The following EPHA5 variants were observed in gnomAD, a reference collection of about 807,000 sequenced individuals.
The protein encoded by EPHA5 is EPH receptor A5, also known as ephrin type-A receptor 5.
EPHA5 carries 60 observed loss-of-function variants against 105.0 expected under a neutral mutation model. That is an observed-to-expected ratio of 0.57 (90% confidence interval 0.46 to 0.71). The LOEUF is 0.71. EPHA5 is among the 30% of genes least tolerant of loss of function. The pLI, the probability that EPHA5 is intolerant of heterozygous loss-of-function variation, is 0.00. For missense variants in EPHA5, 1,218 were observed against 1,274.7 expected, an observed-to-expected ratio of 0.96 and a Z score of 0.68; for synonymous variants, 513 against 449.1, an observed-to-expected ratio of 1.14 and a Z score of -1.80.
rs1209151625 is a variant in EPHA5 at position 65,322,865 on chromosome 4, A to AATT, written c.*1246_*1248dup. ...ATGTGTATATATATATATTTGTCAT[A>AATT]ATTCCATTGCTGCCTTAGAGTCAAA... On this transcript the variant is annotated 3_prime_UTR_variant, in exon 17 of 17. Coordinates refer to ENST00000613740, the MANE Select transcript of EPHA5 (RefSeq NM_001281766.3). 4.4e-6 allele frequency: 1 copy of AATT among 229,116 alleles called. No homozygotes were observed. Among genetic ancestry groups the AATT allele is most frequent in the East Asian group, 6.2e-5 (1 of 16,180 alleles). The allele number at this position is 229,116 out of a possible 1,614,324, so 14.2% of individuals were successfully genotyped here. A position where few individuals can be genotyped will look rare whatever the true frequency, so the allele number is the denominator to read the frequency against.
rs139058629 is a variant in EPHA5 at position 65,619,866 on chromosome 4, A to G, written c.247-17562T>C. 1.9e-3 allele frequency among the ~76,000 whole-genome samples: 288 copies of G among 151,636 alleles called. 3 individuals are homozygous for G. Among genetic ancestry groups the G allele is most frequent in the African/African-American group, 6.6e-3 (275 of 41,450 alleles). On this transcript the variant is annotated intron_variant, in intron 2 of 16. Coordinates refer to ENST00000613740, the MANE Select transcript of EPHA5 (RefSeq NM_001281766.3). ...ATCTACTGTTTTTCTCTTTTTCCTT[A>G]TATTTCTTTCTAAAACACTCATTCA...
chr4:65,606,878 G>T (rs1744278966), intron 2 of EPHA5, among the ~76,000 whole-genome samples: 1 of 152,026 alleles, frequency 6.6e-6, no homozygotes, highest in Non-Finnish European at 1.5e-5. Flanking sequence ...AGAATCAATT[G>T]CCTGCAGCTT....
chr4:65,559,741 C>T (rs1309928593), intron 3 of EPHA5, among the ~76,000 whole-genome samples: 1 of 152,030 alleles, frequency 6.6e-6, no homozygotes, highest in African/African-American at 2.4e-5. Flanking sequence ...ATAATAATGC[C>T]AGCAACTTCA....
Position 65,401,884 on chromosome 4 carries a change from A to C in EPHA5, c.1793+2490T>G, listed in dbSNP as rs1201469436. Among the ~76,000 whole-genome samples, 3 of 145,028 alleles carry C rather than the reference A, an allele frequency of 2.1e-5. No homozygotes were observed. In the South Asian group the frequency reaches 6.5e-4, roughly 31 times the overall value. ...GAACAGCAATTTCAGGTATATATAG[A>C]ATTTGTGTATGTGTGTGTGTGAGAG... On this transcript the variant is annotated intron_variant, in intron 8 of 16. Coordinates refer to ENST00000613740, the MANE Select transcript of EPHA5 (RefSeq NM_001281766.3).
rs1270016107 is a variant in EPHA5, at chr4:65,322,037, C to A, written c.*2077G>T. On this transcript the variant is annotated 3_prime_UTR_variant, in exon 17 of 17. Transcript: ENST00000613740. The stretch of plus-strand genomic sequence containing the variant: ...TGTTTATTGAAATGAACAAATGCAT[C>A]TTTAATAATGGTGATGCTTTTTTAT... The A allele has an allele frequency of 1.3e-5, 3 of 225,932 alleles. No homozygotes were observed. In the East Asian group the frequency reaches 1.9e-4, roughly 14 times the overall value. The allele number at this position is 225,932 out of a possible 1,614,324, so 14.0% of individuals were successfully genotyped here.
At chr4:65,430,206 T>C (rs1724843979) in intron 5 of EPHA5, among the ~76,000 whole-genome samples, 2 of 152,080 alleles carry the variant, frequency 1.3e-5, no homozygotes, top group South Asian at 4.1e-4. Context: ...AAATTTCTAA[T>C]GCTGATAAAA....
At chr4:65,573,762 G>T in intron 3 of EPHA5, 2 of 1,611,716 alleles carry the variant, frequency 1.2e-6, no homozygotes, top group East Asian at 4.5e-5. Flanking sequence ...TGACAAGAAC[G>T]GCGGTACCCG....
At chr4:65,511,970 A>G (rs1418982872) in intron 3 of EPHA5, among the ~76,000 whole-genome samples, 1 of 152,228 alleles carries the variant, frequency 6.6e-6, no homozygotes, top group African/African-American at 2.4e-5. Context: ...TAATTGAAAA[A>G]AAATTCCAAA....
intron 8 of EPHA5, among the ~76,000 whole-genome samples, chr4:65,380,678 A>G (rs558513021): frequency 5.3e-5 from 8 of 151,952 alleles, no homozygotes; most frequent in African/African-American, 1.9e-4. Flanking sequence ...TTTTACTTGT[A>G]ACAAAGGAAG....
chr4:65,481,083 T>G (rs931691002), intron 5 of EPHA5, among the ~76,000 whole-genome samples: 1 of 152,182 alleles, frequency 6.6e-6, no homozygotes, highest in Admixed American at 6.5e-5. Flanking sequence ...ATTATATTTT[T>G]GGTGACTCAA....
At chr4:65,383,649 A>G (rs1719796338) in intron 8 of EPHA5, among the ~76,000 whole-genome samples, 1 of 151,864 alleles carries the variant, frequency 6.6e-6, no homozygotes, top group African/African-American at 2.4e-5. Flanking sequence ...CCTATTTTAG[A>G]AGACTTCAAT....
At chr4:65,575,419 G>C (rs992760680) in intron 3 of EPHA5, among the ~76,000 whole-genome samples, 3 of 152,082 alleles carry the variant, frequency 2.0e-5, no homozygotes, top group African/African-American at 4.8e-5. Context: ...AGAAATATTA[G>C]CTTACCTGAA....
chr4:65,376,923 G>T, intron 8 of EPHA5: 1 of 1,326,410 alleles, frequency 7.5e-7, no homozygotes, highest in Non-Finnish European at 1.0e-6. Flanking sequence ...CACAAATGGA[G>T]AAAGAAAAGG....
rs1279841693 is a variant in EPHA5 at position 65,323,146 on chromosome 4, A to T, written c.*968T>A. 4.4e-6 allele frequency: 1 copy of T among 228,554 alleles called. No homozygotes were observed. The highest frequency in any genetic ancestry group is 2.2e-5 in the African/African-American group (1 of 45,032). 14.2% of individuals were successfully genotyped at this position (228,554 alleles called of 1,614,324 possible). A position where few individuals can be genotyped will look rare whatever the true frequency, so the allele number is the denominator to read the frequency against. On this transcript the variant is annotated 3_prime_UTR_variant, in exon 17 of 17. Coordinates refer to ENST00000613740, the MANE Select transcript of EPHA5 (RefSeq NM_001281766.3). ...ACTGCATTGTCACTGATATCACAAAATGTTTTTAAAAAGCCAAAGGGGATT... is the reference window on the plus strand; with the variant it reads ...ACTGCATTGTCACTGATATCACAAATTGTTTTTAAAAAGCCAAAGGGGATT...
chr4:65,593,360 C>A (rs1055765458), intron 3 of EPHA5, among the ~76,000 whole-genome samples: 5 of 151,998 alleles, frequency 3.3e-5, no homozygotes, highest in Non-Finnish European at 7.4e-5. Context: ...AATTACTGTT[C>A]TTGACCTTAT....
intron 5 of EPHA5, among the ~76,000 whole-genome samples, chr4:65,431,847 T>C (rs770621498): frequency 3.4e-4 from 52 of 152,064 alleles, no homozygotes; most frequent in Non-Finnish European, 4.9e-4. Flanking sequence ...TTTATCTTTG[T>C]ATCCTCTACA....
intron 1 of EPHA5, among the ~76,000 whole-genome samples, chr4:65,644,552 G>A (rs1177613114): frequency 6.6e-6 from 1 of 152,024 alleles, no homozygotes; most frequent in Admixed American, 6.5e-5. Context: ...CTTTGTGTAA[G>A]TGTAAGCCTA....
At chr4:65,482,150 T>G (rs1051832594) in intron 5 of EPHA5, among the ~76,000 whole-genome samples, 1 of 151,900 alleles carries the variant, frequency 6.6e-6, no homozygotes, top group African/African-American at 2.4e-5. Flanking sequence ...ATACAAATAT[T>G]AGCCGGGCCT....
At position 65,427,185 on chromosome 4, in the gene EPHA5, C is replaced by T. The variant is rs909802714; in HGVS notation, c.1403-6620G>A. 3.6e-4 allele frequency among the ~76,000 whole-genome samples: 46 copies of T among 129,048 alleles called. 1 individual carries two copies. Among genetic ancestry groups the T allele is most frequent in the Middle Eastern group, 5.0e-3 (1 of 202 alleles). 84.7% of individuals were successfully genotyped at this position (129,048 alleles called of 152,430 possible). ...AGTAATTATAAAACTCGAGTGTATT[C>T]TTTTTTTTTTTTTTTTTGAGATGGA... On this transcript the variant is annotated intron_variant, in intron 5 of 16. Coordinates refer to ENST00000613740, the MANE Select transcript of EPHA5 (RefSeq NM_001281766.3).
Sources: gnomAD v4.1 joint callset for allele counts (sites outside exome capture counted in the v4.1 genomes callset) on GRCh38, gnomAD v4.1.1 for gene constraint, MANE v1.5 for transcripts, NCBI Gene and HGNC (gene_info 2026-07-23, HGNC 2026-07-21) for gene names.